The following TMEM266 variants were observed in gnomAD, a reference collection of about 807,000 sequenced individuals.
TMEM266 encodes Hv1 related protein 1.
Under a neutral mutation model 50.5 loss-of-function variants are expected in TMEM266, and 33 were observed. The ratio of observed to expected loss-of-function variants is 0.65; its 90% CI spans 0.50 to 0.87. The LOEUF (loss-of-function observed/expected upper bound fraction) is 0.87, where lower values mean the gene tolerates loss of function less well. TMEM266 is among the 40% of genes least tolerant of loss of function. The pLI is 0.00. For missense variants in TMEM266, 655 were observed against 695.1 expected (o/e 0.94, Z 0.65); for synonymous variants, 310 against 292.3 (o/e 1.06, Z -0.62).
rs1290047723 is a variant in TMEM266 at position 76,192,528 on chromosome 15, G to A, written c.958+371G>A. On this transcript the variant is annotated intron_variant, in intron 9 of 10. Coordinates refer to ENST00000388942, the MANE Select transcript of TMEM266 (RefSeq NM_152335.3). ...CAGGAAAGCCGTCCAAAGGCGCATC[G>A]CTAATAAGTGGCAGAGCCAGGCTTC... Among the ~76,000 whole-genome samples the A allele has an allele frequency of 2.6e-5, 4 of 152,138 alleles. No homozygotes were observed. In the East Asian group the frequency reaches 7.7e-4, roughly 29 times the overall value.
At chr15:76,134,611 A>G (rs1174702263) in intron 2 of TMEM266, among the ~76,000 whole-genome samples, 1 of 152,258 alleles carries the variant, frequency 6.6e-6, no homozygotes, top group East Asian at 1.9e-4. Flanking sequence ...ATGCCATATG[A>G]ACCAATCACT....
At chr15:76,185,296 C>A (rs1436319448) in intron 8 of TMEM266, among the ~76,000 whole-genome samples, 1 of 152,176 alleles carries the variant, frequency 6.6e-6, no homozygotes, top group Non-Finnish European at 1.5e-5. Context: ...TCCTACTCTG[C>A]TCCACTATTC....
chr15:76,061,431 T>C (rs990323976), intron 1 of TMEM266, among the ~76,000 whole-genome samples: 16 of 152,214 alleles, frequency 1.1e-4, no homozygotes, highest in African/African-American at 3.6e-4. Flanking sequence ...AGGGTAAGGA[T>C]GCAAACTCAA....
At chr15:76,140,908 G>A (rs940203514) in intron 3 of TMEM266, among the ~76,000 whole-genome samples, 5 of 151,336 alleles carry the variant, frequency 3.3e-5, no homozygotes, top group Non-Finnish European at 5.9e-5. Flanking sequence ...ATGGTGGCAC[G>A]CACCTGTCAT....
At chr15:76,130,414 G>C (rs192408704) in intron 1 of TMEM266, among the ~76,000 whole-genome samples, 2 of 152,052 alleles carry the variant, frequency 1.3e-5, no homozygotes, top group Non-Finnish European at 2.9e-5. Context: ...GGCGGCACAC[G>C]CCTGTAATCC....
At chr15:76,146,837 A>G (rs1391484387) in intron 3 of TMEM266, among the ~76,000 whole-genome samples, 3 of 152,202 alleles carry the variant, frequency 2.0e-5, no homozygotes, top group Non-Finnish European at 4.4e-5. Context: ...CAGTGTATGC[A>G]TAGCACCTTT....
intron 1 of TMEM266, among the ~76,000 whole-genome samples, chr15:76,089,100 A>AAAG (rs2036813807): frequency 6.7e-6 from 1 of 148,870 alleles, no homozygotes. Context: ...TCTCAAAAAA[A>AAAG]AAAAAAAAAA....
At chr15:76,197,365 A>G (rs1218746010) in intron 9 of TMEM266, among the ~76,000 whole-genome samples, 19 of 152,190 alleles carry the variant, frequency 1.2e-4, no homozygotes, top group Admixed American at 1.2e-3. Context: ...ACTTTGAACA[A>G]GTTACTTCTG....
intron 8 of TMEM266, among the ~76,000 whole-genome samples, chr15:76,177,083 C>T (rs868274885): frequency 1.6e-4 from 24 of 152,258 alleles, no homozygotes; most frequent in South Asian, 6.2e-4. Context: ...ATGTTCCCCC[C>T]GCCAGTAGCC....
At chr15:76,122,659 C>T (rs550533058) in intron 1 of TMEM266, among the ~76,000 whole-genome samples, 10 of 152,290 alleles carry the variant, frequency 6.6e-5, no homozygotes, top group Admixed American at 2.6e-4. Flanking sequence ...CTGGGACAGC[C>T]GCTGCAGCCC....
At chr15:76,200,983 G>C (rs2038736638) in intron 9 of TMEM266, among the ~76,000 whole-genome samples, 1 of 152,192 alleles carries the variant, frequency 6.6e-6, no homozygotes, top group African/African-American at 2.4e-5. Flanking sequence ...TCACAGGTGT[G>C]CCTGGGAGGG....
chr15:76,165,870 C>A (rs1479574067), intron 5 of TMEM266, among the ~76,000 whole-genome samples: 4 of 152,206 alleles, frequency 2.6e-5, no homozygotes, highest in Non-Finnish European at 5.9e-5. Context: ...TGCTTGTGGG[C>A]CTGTGGTCTC....
At chr15:76,079,698 C>T (rs1015217312) in intron 1 of TMEM266, among the ~76,000 whole-genome samples, 8 of 146,698 alleles carry the variant, frequency 5.5e-5, no homozygotes, top group South Asian at 2.2e-4. Flanking sequence ...TGAGTGAAAC[C>T]GGGAGGCAGA....
intron 1 of TMEM266, among the ~76,000 whole-genome samples, chr15:76,067,204 A>G (rs2036439333): frequency 6.6e-6 from 1 of 152,200 alleles, no homozygotes; most frequent in African/African-American, 2.4e-5. Flanking sequence ...TTGAAATTAC[A>G]CAGACAAGGA....
intron 4 of TMEM266, among the ~76,000 whole-genome samples, chr15:76,159,024 G>T (rs2959861): frequency 0.16 from 24,161 of 152,214 alleles, 2,071 homozygotes; most frequent in Non-Finnish European, 0.18. Flanking sequence ...TTGGCCCTGG[G>T]GGGGGTTCTG....
At chr15:76,190,282 C>G (rs2038548595) in intron 8 of TMEM266, among the ~76,000 whole-genome samples, 2 of 152,184 alleles carry the variant, frequency 1.3e-5, no homozygotes, top group South Asian at 4.1e-4. Context: ...TTTACAGAAC[C>G]AGAAGAAGGA....
At chr15:76,148,018 A>G (rs1000872666) in intron 3 of TMEM266, among the ~76,000 whole-genome samples, 2 of 152,258 alleles carry the variant, frequency 1.3e-5, no homozygotes, top group African/African-American at 4.8e-5. Flanking sequence ...TCACAGATGT[A>G]TTATTTCTCA....
In TMEM266 at chr15:76,089,574, T is replaced by G. The variant is rs182177129; in HGVS notation, c.-97+29558T>G. ...GGCTGGAAATGGAAATGGGGAGAGA[T>G]AAATTGCAAAAGGTTGTGTATGATA... On this transcript the variant is annotated intron_variant, in intron 1 of 10. Coordinates refer to ENST00000388942, the MANE Select transcript of TMEM266 (RefSeq NM_152335.3). 1.1e-3 allele frequency among the ~76,000 whole-genome samples: 173 copies of G among 152,136 alleles called. 1 individual carries two copies. The highest frequency in any genetic ancestry group is 3.5e-3 in the African/African-American group (144 of 41,494).
At chr15:76,093,750 G>T (rs897911197) in intron 1 of TMEM266, among the ~76,000 whole-genome samples, 1 of 152,026 alleles carries the variant, frequency 6.6e-6, no homozygotes, top group South Asian at 2.1e-4. Flanking sequence ...AAGCATTCCT[G>T]TTTCTCCACA....
Sources: allele counts gnomAD v4.1 joint callset (sites outside exome capture counted in the v4.1 genomes callset), GRCh38; gene constraint gnomAD v4.1.1; transcripts MANE v1.5; gene names NCBI Gene and HGNC (gene_info 2026-07-23, HGNC 2026-07-21).